Variants in ELP2 observed in about 807,000 individuals in gnomAD.
ELP2 encodes the protein elongator complex protein 2.
A neutral mutation model predicts 119.2 loss-of-function variants in ELP2; 90 were observed. That is an observed-to-expected ratio of 0.75 (90% CI 0.64 to 0.90). The LOEUF (loss-of-function observed/expected upper bound fraction) is 0.90, where lower values mean the gene tolerates loss of function less well. Among genes scored for constraint, ELP2 ranks in the 40% least tolerant of loss-of-function variants. The pLI, the probability that ELP2 is intolerant of heterozygous loss-of-function variation, is 0.00. For missense variants in ELP2, 921 were observed against 967.8 expected (o/e 0.95, Z 0.64); for synonymous variants, 339 against 331.0 (o/e 1.02, Z -0.26).
intron 16 of ELP2, 92 bp from the exon 17 acceptor site, chr18:36,160,840 G>A (rs781176861): frequency 1.1e-5 from 9 of 796,594 alleles, no homozygotes; most frequent in Admixed American, 1.9e-5. Context: ...ATTAGCTAGA[G>A]AGGTTGATGT....
chr18:36,141,268 T>C (rs1321422071), intron 6 of ELP2, 67 bp downstream of exon 6: 1 of 1,283,496 alleles, frequency 7.8e-7, no homozygotes, highest in Non-Finnish European at 1.1e-6. Flanking sequence ...ACAGACTATA[T>C]CCAGATTATA....
At chr18:36,138,981 C>G in intron 5 of ELP2, 109 bp downstream of exon 5, 1 of 849,818 alleles carries the variant, frequency 1.2e-6, no homozygotes, top group South Asian at 1.4e-5. Flanking sequence ...CTGAATGTTT[C>G]TATGAAACAA....
intron 12 of ELP2, 104 bp from the exon 13 acceptor site, chr18:36,156,362 C>T (rs937094710): frequency 9.8e-6 from 11 of 1,119,102 alleles, no homozygotes; most frequent in Non-Finnish European, 1.5e-5. Flanking sequence ...ATATTTGCCC[C>T]ATGGTTATAT....
intron 2 of ELP2, among the ~76,000 whole-genome samples, chr18:36,133,927 T>TTTTTC (rs2089734199): frequency 1.2e-5 from 1 of 83,746 alleles, no homozygotes; most frequent in African/African-American, 4.2e-5. Context: ...TTTTTTTTTT[T>TTTTTC]GAGATGGAGT....
At chr18:36,150,178 A>T (rs565187624) in intron 11 of ELP2, among the ~76,000 whole-genome samples, 38 of 152,320 alleles carry the variant, frequency 2.5e-4, no homozygotes, top group African/African-American at 9.1e-4. Flanking sequence ...AGCCATCAGC[A>T]GTCTCTGTTG....
At chr18:36,131,773 A>G (rs937413785) in intron 1 of ELP2, among the ~76,000 whole-genome samples, 2 of 152,184 alleles carry the variant, frequency 1.3e-5, no homozygotes, top group East Asian at 3.8e-4. Context: ...CAGCTGTAGA[A>G]TCCCATCTTT....
At position 36,154,957 on chromosome 18, in the gene ELP2, A is replaced by G. The variant is rs763647301; in HGVS notation, c.1233A>G (p.Thr411=). ...TTATCACTGTTGGTACTGATCAGAC[A>G]ACTAGACTTTTTGCTCCATGGAAGA... ...EFIITVGTDQ[T]TRLFAPWKRK... The change falls in exon 12 of 22, where the codon ACA becomes ACG. Residue 411 remains threonine (T), a synonymous_variant. Transcript: ENST00000358232. 2 of 1,614,094 alleles carry G rather than the reference A, an allele frequency of 1.2e-6. No individual in the cohort carries two copies. Among genetic ancestry groups the G allele is most frequent in the Non-Finnish European group, 8.5e-7 (1 of 1,179,928 alleles).
intron 19 of ELP2, among the ~76,000 whole-genome samples, 177 bp downstream of exon 19, chr18:36,167,399 A>G (rs545812280): frequency 2.0e-5 from 3 of 152,258 alleles, no homozygotes; most frequent in East Asian, 1.9e-4. Context: ...GTTAAATTCT[A>G]TAAGTAAATT....
chr18:36,141,061 C>A, intron 5 of ELP2, 76 bp from the exon 6 acceptor site: 1 of 1,187,472 alleles, frequency 8.4e-7, no homozygotes, highest in Non-Finnish European at 1.3e-6. Flanking sequence ...TTAGAGCTTA[C>A]AATCCAGTAC....
chr18:36,151,574 GTGGA>G (rs1357408504), intron 11 of ELP2, among the ~76,000 whole-genome samples: 1 of 151,996 alleles, frequency 6.6e-6, no homozygotes, highest in Non-Finnish European at 1.5e-5. Flanking sequence ...GAAAGCTGAG[GTGGA>G]TGGATGGATC....
In ELP2 at chr18:36,177,555, A is replaced by G. The variant is rs1314585987; in HGVS notation, c.*2914A>G. On this transcript the variant is annotated 3_prime_UTR_variant, in exon 22 of 22. Transcript: ENST00000358232. The stretch of plus-strand genomic sequence containing the variant: ...ATAGTGTTTCAGTTTTGCAAGATAA[A>G]AAGTCCTGTGGATTGGTTGCACAGT... 4 of 152,192 alleles carry G rather than the reference A, an allele frequency of 2.6e-5. No individual in the cohort carries two copies. The highest frequency in any genetic ancestry group is 9.7e-5 in the African/African-American group (4 of 41,438). 9.4% of individuals were successfully genotyped at this position (152,192 alleles called of 1,614,324 possible). A position where few individuals can be genotyped will look rare whatever the true frequency, so the allele number is the denominator to read the frequency against.
chr18:36,150,548 C>T (rs2090363147), intron 11 of ELP2, among the ~76,000 whole-genome samples: 1 of 152,180 alleles, frequency 6.6e-6, no homozygotes, highest in Non-Finnish European at 1.5e-5. Flanking sequence ...ATACTCTAGT[C>T]CAAACCCCAG....
In ELP2 at chr18:36,168,643, A is replaced by G. The variant is rs576789660; in HGVS notation, c.2077-1420A>G. 2.5e-3 allele frequency among the ~76,000 whole-genome samples: 377 copies of G among 152,178 alleles called. 2 individuals carry two copies. Among genetic ancestry groups the G allele is most frequent in the Non-Finnish European group, 2.5e-3 (169 of 67,986 alleles). On this transcript the variant is annotated intron_variant, in intron 19 of 21. Coordinates refer to ENST00000358232, the MANE Select transcript of ELP2 (RefSeq NM_018255.4). ...CGCCCCCATGATCCTATTACCTCCT[A>G]CTGTGTCCCTCCCACAACATACAGG...
chr18:36,147,205 C>T (rs916702915), intron 11 of ELP2, among the ~76,000 whole-genome samples: 1 of 151,082 alleles, frequency 6.6e-6, no homozygotes, highest in South Asian at 2.1e-4. Context: ...TCCTGAGTAG[C>T]TGGGACTACA....
In ELP2 at chr18:36,180,359, A is replaced by G. The variant is rs1275755290; in HGVS notation, c.*5718A>G. 2.0e-5 allele frequency: 3 copies of G among 152,236 alleles called. No homozygotes were observed. Among genetic ancestry groups the G allele is most frequent in the Admixed American group, 6.5e-5 (1 of 15,284 alleles). The allele number at this position is 152,236 out of a possible 1,614,324, so 9.4% of individuals were successfully genotyped here. A position where few individuals can be genotyped will look rare whatever the true frequency, so the allele number is the denominator to read the frequency against. The stretch of plus-strand genomic sequence containing the variant: ...AATTAAATCTTTATTGCAGATGCCC[A>G]TGTGCTCAGCAGAGAACTGGGGTGC... On this transcript the variant is annotated 3_prime_UTR_variant, in exon 22 of 22. Coordinates refer to ENST00000358232, the MANE Select transcript of ELP2 (RefSeq NM_018255.4).
At chr18:36,148,016 G>A (rs2090266330) in intron 11 of ELP2, among the ~76,000 whole-genome samples, 1 of 151,676 alleles carries the variant, frequency 6.6e-6, no homozygotes, top group South Asian at 2.1e-4. Flanking sequence ...TCCCTGAACT[G>A]TGTCGTCTTT....
chr18:36,146,403 A>G, intron 11 of ELP2, 22 bp downstream of exon 11: 1 of 1,612,318 alleles, frequency 6.2e-7, no homozygotes, highest in East Asian at 2.2e-5. Flanking sequence ...GTGTTTAAAT[A>G]AAGCATTTCT....
At chr18:36,138,563 T>C in intron 4 of ELP2, 137 bp downstream of exon 4, 2 of 1,096,108 alleles carry the variant, frequency 1.8e-6, no homozygotes, top group Non-Finnish European at 2.6e-6. Flanking sequence ...TAAATTTTTC[T>C]TTTGCACTTA....
intron 8 of ELP2, among the ~76,000 whole-genome samples, chr18:36,144,350 C>T (rs2090132535): frequency 1.3e-5 from 2 of 152,122 alleles, no homozygotes; most frequent in African/African-American, 2.4e-5. Flanking sequence ...TAAAGAACTT[C>T]CCAAGACTGG....
Sources: allele counts gnomAD v4.1 joint callset (sites outside exome capture counted in the v4.1 genomes callset), GRCh38; gene constraint gnomAD v4.1.1; transcripts MANE v1.5; gene names NCBI Gene and HGNC (gene_info 2026-07-23, HGNC 2026-07-21).